The following RAB11FIP1 variants were observed in gnomAD, a reference collection of about 807,000 sequenced individuals.
RAB11FIP1 encodes the protein rab11 family-interacting protein 1.
A neutral mutation model predicts 83.1 loss-of-function variants in RAB11FIP1; 49 were observed. That is an observed-to-expected ratio of 0.59 (90% CI 0.47 to 0.75). The LOEUF (loss-of-function observed/expected upper bound fraction) is 0.75, where lower values mean the gene tolerates loss of function less well. RAB11FIP1 is among the 30% of genes least tolerant of loss of function. The probability of loss-of-function intolerance (pLI) is 0.00; values close to 1 mark genes in which losing one functional copy is unlikely to be tolerated. For synonymous variants in RAB11FIP1, 670 were observed against 656.0 expected, an observed-to-expected ratio of 1.02 and a Z score of -0.33; for missense variants, 1,536 against 1,598.7, an observed-to-expected ratio of 0.96 and a Z score of 0.67.
Position 37,871,763 on chromosome 8 carries a change from C to T in RAB11FIP1, c.3039G>A (p.Gly1013=). The T allele has an allele frequency of 4.3e-6, 7 of 1,613,822 alleles. No individual in the cohort carries two copies. The highest frequency in any genetic ancestry group is 5.9e-6 in the Non-Finnish European group (7 of 1,179,920). The stretch of plus-strand genomic sequence containing the variant: ...CCAACCTATCTGCCTCGCCACTGGG[C>T]CCCTTTCCCCTCTCAGGACAGGGGA... ...LVVPCPERGK[G]PSGEADRLVL... The change falls in exon 4 of 6, where the codon GGG becomes GGA. Residue 1013 remains glycine (G), a synonymous_variant. Coordinates refer to ENST00000330843, the MANE Select transcript of RAB11FIP1 (RefSeq NM_001002814.3).
intron 1 of RAB11FIP1, 154 bp from the exon 2 acceptor site, chr8:37,877,705 AG>A: frequency 6.6e-6 from 3 of 454,624 alleles, no homozygotes; most frequent in Non-Finnish European, 1.2e-5. Context: ...AGATGAGAGC[AG>A]AATTTTTTTT....
intron 5 of RAB11FIP1, among the ~76,000 whole-genome samples, chr8:37,867,119 G>A (rs1037888858): frequency 2.0e-5 from 3 of 152,210 alleles, no homozygotes; most frequent in Admixed American, 2.0e-4. Context: ...TCTCTTTGGA[G>A]CCACACTGCA....
At chr8:37,880,309 G>GT (rs1408288570) in intron 1 of RAB11FIP1, among the ~76,000 whole-genome samples, 1 of 151,770 alleles carries the variant, frequency 6.6e-6, no homozygotes, top group African/African-American at 2.4e-5. Flanking sequence ...AAAAATTTTT[G>GT]TTTTTTTGAG....
chr8:37,875,757 G>T (rs187736812), intron 2 of RAB11FIP1, among the ~76,000 whole-genome samples: 5 of 151,958 alleles, frequency 3.3e-5, no homozygotes, highest in Non-Finnish European at 1.5e-5. Flanking sequence ...ATAACTACCT[G>T]ATGAATTAAT....
chr8:37,888,305 C>T (rs1404237402), intron 1 of RAB11FIP1, among the ~76,000 whole-genome samples: 1 of 152,116 alleles, frequency 6.6e-6, no homozygotes, highest in Non-Finnish European at 1.5e-5. Flanking sequence ...CGGAGTTTCA[C>T]CATGCTGGCC....
At chr8:37,865,095 T>A (rs1386078493) in intron 5 of RAB11FIP1, among the ~76,000 whole-genome samples, 1 of 151,670 alleles carries the variant, frequency 6.6e-6, no homozygotes, top group African/African-American at 2.4e-5. Context: ...GAAAAAAGAG[T>A]CACCTTTGTA....
rs146665678 is a variant in RAB11FIP1, at chr8:37,871,787, G to T, written c.3015C>A (p.Val1005=). Residue 1005 remains valine (V), a synonymous_variant, in exon 4 of 6, where the codon GTC becomes GTA. Coordinates refer to ENST00000330843, the MANE Select transcript of RAB11FIP1 (RefSeq NM_001002814.3). ...DIGALSLGLV[V]PCPERGKGPS... ...GCCCCTTTCCCCTCTCAGGACAGGG[G>T]ACTACCAAGCCCAAGGACAAAGCTC... 3.7e-6 allele frequency: 6 copies of T among 1,614,034 alleles called. No individual in the cohort carries two copies. Among genetic ancestry groups the T allele is most frequent in the Non-Finnish European group, 5.1e-6 (6 of 1,180,002 alleles).
At chr8:37,880,433 G>T (rs1242826754) in intron 1 of RAB11FIP1, among the ~76,000 whole-genome samples, 1 of 151,926 alleles carries the variant, frequency 6.6e-6, no homozygotes, top group Non-Finnish European at 1.5e-5. Flanking sequence ...CGAGTAGCTG[G>T]GACTACAGGT....
chr8:37,866,857 C>A (rs978574026), intron 5 of RAB11FIP1, among the ~76,000 whole-genome samples: 6 of 152,178 alleles, frequency 3.9e-5, no homozygotes, highest in Admixed American at 2.6e-4. Context: ...AGCAGAGCCT[C>A]CAGGAAACGT....
chr8:37,875,182 T>G lies in RAB11FIP1; in HGVS notation c.955A>C (p.Ile319Leu), dbSNP rs768763579. The G allele has an allele frequency of 6.2e-7, 1 of 1,614,128 alleles. No homozygotes were observed. The highest frequency in any genetic ancestry group is 1.1e-5 in the South Asian group (1 of 91,082). The change falls in exon 3 of 6, where the codon ATC becomes CTC. Residue 319 changes from isoleucine to leucine, a missense_variant. Transcript: ENST00000330843. ...NDVLSRSNVC[I>L]NGNHVYLEQP... is the part of the protein sequence containing the mutation. ...TCCAGGTAAACATGGTTCCCATTGA[T>G]GCAGACATTAGAGCGGGAAAGGACA...
intron 1 of RAB11FIP1, among the ~76,000 whole-genome samples, chr8:37,885,694 C>T (rs1806820350): frequency 6.6e-6 from 1 of 152,188 alleles, no homozygotes; most frequent in Non-Finnish European, 1.5e-5. Flanking sequence ...TGAGCCTGTG[C>T]CCACACACAA....
chr8:37,877,110 A>C lies in RAB11FIP1; in HGVS notation c.813T>G (p.Asp271Glu). The change falls in exon 2 of 6, where the codon GAT (aspartate) becomes GAG (glutamate). Residue 271 changes from aspartate (D) to glutamate (E), a missense_variant and splice_region_variant. By Grantham distance (45) the Asp-to-Glu change is conservative. Transcript: ENST00000330843. ...AAGCAGGAAGAGGCAGAAACTCACC[A>C]TCCGAGGCCGAGGAGGACTCATCCT... ...DNEDESSSAS[D>E]VMSHKRTAST... is the part of the protein sequence containing the mutation. 6.2e-7 allele frequency: 1 copy of C among 1,607,698 alleles called. No individual in the cohort carries two copies. The highest frequency in any genetic ancestry group is 1.1e-5 in the South Asian group (1 of 90,934).
At position 37,871,787 on chromosome 8, in the gene RAB11FIP1, G is replaced by A. The variant is rs146665678; in HGVS notation, c.3015C>T (p.Val1005=). The stretch of plus-strand genomic sequence containing the variant: ...GCCCCTTTCCCCTCTCAGGACAGGG[G>A]ACTACCAAGCCCAAGGACAAAGCTC... ...DIGALSLGLV[V]PCPERGKGPS... is the part of the protein sequence containing the mutation. The change falls in exon 4 of 6, where the codon GTC becomes GTT. Residue 1005 remains valine, a synonymous_variant. Coordinates refer to ENST00000330843, the MANE Select transcript of RAB11FIP1 (RefSeq NM_001002814.3). The A allele has an allele frequency of 1.5e-4, 242 of 1,614,036 alleles. 2 individuals carry two copies. In the African/African-American group the frequency reaches 2.9e-3, roughly 19 times the overall value.
intron 2 of RAB11FIP1, among the ~76,000 whole-genome samples, chr8:37,875,725 T>G (rs1806593818): frequency 6.6e-6 from 1 of 151,952 alleles, no homozygotes; most frequent in African/African-American, 2.4e-5. Context: ...CCCACGAGGG[T>G]TGAGCACATC....
intron 3 of RAB11FIP1, among the ~76,000 whole-genome samples, chr8:37,874,311 T>C (rs927301778): frequency 2.6e-5 from 4 of 152,238 alleles, no homozygotes; most frequent in African/African-American, 9.6e-5. Context: ...GCAGTAGCTC[T>C]GAGCTGGGAA....
Position 37,899,017 on chromosome 8 carries a change from G to A in RAB11FIP1, c.371+54C>T. The A allele has an allele frequency of 7.1e-7, 1 of 1,410,700 alleles. No individual in the cohort carries two copies. The highest frequency in any genetic ancestry group is 9.2e-7 in the Non-Finnish European group (1 of 1,091,728). 87.4% of individuals were successfully genotyped at this position (1,410,700 alleles called of 1,614,324 possible). A position where few individuals can be genotyped will look rare whatever the true frequency, so the allele number is the denominator to read the frequency against. On this transcript the variant is annotated intron_variant, in intron 1 of 5. Coordinates refer to ENST00000330843, the MANE Select transcript of RAB11FIP1 (RefSeq NM_001002814.3). This position sits in a 1 kb window ranked among gnomAD's most constrained non-coding sequence, Gnocchi z 4.5. ...AAGGGTCCAGCGCCCAGACCGCCCTGCCGGAGGGGTCCGCGCCCCCAGGCC... is the reference window on the plus strand; with the variant it reads ...AAGGGTCCAGCGCCCAGACCGCCCTACCGGAGGGGTCCGCGCCCCCAGGCC...
Position 37,872,575 on chromosome 8 carries a change from C to A in RAB11FIP1, c.2227G>T (p.Glu743Ter). The change falls in exon 4 of 6, where the codon GAG becomes TAG. Residue 743 changes from glutamate (E) to a stop codon, truncating the protein, a stop_gained. Coordinates refer to ENST00000330843, the MANE Select transcript of RAB11FIP1 (RefSeq NM_001002814.3). LOFTEE classifies it high-confidence loss of function. ...TCTCTGTCTCCTCCTGCTGCAAGCT[C>A]CCCAACAGGGCTCACAGCTCCATCA... is the stretch of plus-strand genomic sequence containing the variant. ...SSDGAVSPVG[E>*]LAAGGDRDLE... The A allele has an allele frequency of 6.2e-7, 1 of 1,614,194 alleles. No individual in the cohort carries two copies.
At chr8:37,873,275 C>T (rs117958640) in intron 3 of RAB11FIP1, 96 bp from the exon 4 acceptor site, 9 of 1,317,358 alleles carry the variant, frequency 6.8e-6, no homozygotes, top group South Asian at 4.4e-5. Context: ...CAGGGGAGAA[C>T]GTCTTTACAC....
In RAB11FIP1 at chr8:37,874,981, T is replaced by C. The variant is rs1806575605; in HGVS notation, c.1156A>G (p.Thr386Ala). ...GTCATAGACTTCAAGGAGTCCTTGGTGGAAGATTCGGAGAGCTGCCTGTCA... is the reference window on the plus strand; with the variant it reads ...GTCATAGACTTCAAGGAGTCCTTGGCGGAAGATTCGGAGAGCTGCCTGTCA... ...SSDRQLSESS[T>A]KDSLKSMTLP... is the part of the protein sequence containing the mutation. The change falls in exon 3 of 6, where the codon ACC becomes GCC. Residue 386 changes from threonine (T) to alanine (A), a missense_variant. Thr to Ala is a moderately conservative substitution (Grantham distance 58, BLOSUM62 0). Transcript: ENST00000330843. The C allele has an allele frequency of 6.2e-7, 1 of 1,614,126 alleles. No individual in the cohort carries two copies. The highest frequency in any genetic ancestry group is 8.5e-7 in the Non-Finnish European group (1 of 1,180,024).
Sources: allele counts gnomAD v4.1 joint callset (sites outside exome capture counted in the v4.1 genomes callset), GRCh38; gene constraint gnomAD v4.1.1; non-coding constraint Gnocchi (gnomAD v3.1); transcripts MANE v1.5; gene names NCBI Gene and HGNC (gene_info 2026-07-23, HGNC 2026-07-21).